Variants in ZMPSTE24 observed in about 807,000 individuals in gnomAD.
ZMPSTE24 encodes CAAX prenyl protease 1 homolog.
Under a neutral mutation model 56.7 loss-of-function variants are expected in ZMPSTE24, and 48 were observed. The ratio of observed to expected loss-of-function variants is 0.85; its 90% confidence interval spans 0.67 to 1.08. ZMPSTE24 has a LOEUF of 1.08. Among genes scored for constraint, ZMPSTE24 ranks in the 50% least tolerant of loss-of-function variants. The probability of loss-of-function intolerance (pLI) is 0.00; values close to 1 mark genes in which losing one functional copy is unlikely to be tolerated. For synonymous variants in ZMPSTE24, 172 were observed against 195.2 expected (o/e 0.88, Z 0.99); for missense variants, 503 against 548.7 (o/e 0.92, Z 0.83).
intron 8 of ZMPSTE24, among the ~76,000 whole-genome samples, chr1:40,287,800 G>A (rs1052152434): frequency 6.6e-6 from 1 of 152,080 alleles, no homozygotes; most frequent in Admixed American, 6.6e-5. Context: ...TTAGGCTTTG[G>A]GTGAAAAAGC....
At chr1:40,273,516 TAAAAAA>T (rs1205861105) in intron 6 of ZMPSTE24, among the ~76,000 whole-genome samples, 7 of 10,582 alleles carry the variant, frequency 6.6e-4, no homozygotes, top group South Asian at 9.7e-3. Flanking sequence ...AAATTCTGTC[TAAAAAA>T]AAAAAAAAAA....
rs996301433 is a variant in ZMPSTE24 at position 40,290,450 on chromosome 1, A to ATTTTT, written c.1060-380_1060-376dup. 1.1e-4 allele frequency among the ~76,000 whole-genome samples: 9 copies of ATTTTT among 82,590 alleles called. 2 individuals are homozygous for ATTTTT. The highest frequency in any genetic ancestry group is 4.1e-4 in the African/African-American group (7 of 17,216). The allele number at this position is 82,590 out of a possible 152,430, so 54.2% of individuals were successfully genotyped here. The stretch of plus-strand genomic sequence containing the variant: ...TACCTTTCTTAAAATCACACTATGA[A>ATTTTT]TTTTTTTTTTTTTTTTTTTTTTTTT... On this transcript the variant is annotated intron_variant, in intron 8 of 9. Transcript: ENST00000372759.
At chr1:40,281,268 C>G in intron 6 of ZMPSTE24, 75 bp from the exon 7 acceptor site, 1 of 1,376,818 alleles carries the variant, frequency 7.3e-7, no homozygotes, top group Non-Finnish European at 1.0e-6. Context: ...TCCAGTAATT[C>G]AATTTCTAGG....
intron 7 of ZMPSTE24, among the ~76,000 whole-genome samples, chr1:40,284,212 A>G (rs1643760324): frequency 6.8e-6 from 1 of 147,890 alleles, no homozygotes; most frequent in Admixed American, 7.0e-5. Flanking sequence ...TCAGCCTCCC[A>G]GAGTGCTGGC....
chr1:40,277,051 C>T (rs532520632), intron 6 of ZMPSTE24, among the ~76,000 whole-genome samples: 2 of 150,498 alleles, frequency 1.3e-5, no homozygotes, highest in South Asian at 4.2e-4. Flanking sequence ...CCAGGCACAG[C>T]GATATAAAAA....
chr1:40,264,217 G>A (rs1490667606), intron 2 of ZMPSTE24, among the ~76,000 whole-genome samples: 2 of 152,058 alleles, frequency 1.3e-5, no homozygotes, highest in Non-Finnish European at 2.9e-5. Flanking sequence ...GCCTGTAGTC[G>A]CAGCTACTCA....
At chr1:40,287,858 C>T (rs1190911309) in intron 8 of ZMPSTE24, among the ~76,000 whole-genome samples, 1 of 151,948 alleles carries the variant, frequency 6.6e-6, no homozygotes, top group Non-Finnish European at 1.5e-5. Flanking sequence ...TTAACTGAAT[C>T]TTCAGTGGAT....
At chr1:40,289,962 T>C (rs1643823964) in intron 8 of ZMPSTE24, among the ~76,000 whole-genome samples, 1 of 152,128 alleles carries the variant, frequency 6.6e-6, no homozygotes, top group Admixed American at 6.6e-5. Context: ...AGAGAGAAAA[T>C]ATCCCATTGC....
At chr1:40,267,517 A>G (rs892984220) in intron 2 of ZMPSTE24, among the ~76,000 whole-genome samples, 10 of 151,452 alleles carry the variant, frequency 6.6e-5, no homozygotes, top group African/African-American at 2.4e-4. Context: ...GGTACGCACT[A>G]TCAGGCCCAG....
intron 2 of ZMPSTE24, among the ~76,000 whole-genome samples, chr1:40,261,708 T>TTTTG (rs1377292106): frequency 6.6e-6 from 1 of 152,032 alleles, no homozygotes; most frequent in Non-Finnish European, 1.5e-5. Context: ...GCTTTTTTTG[T>TTTTG]TTTGTTTTGT....
In ZMPSTE24 at chr1:40,280,934, C is replaced by A. The variant is rs190982948; in HGVS notation, c.770-409C>A. ...CAATTACTTTTGCACCAACCTAATA[C>A]ATGCACATTTTTTCTTGACGATAAT... On this transcript the variant is annotated intron_variant, in intron 6 of 9. Transcript: ENST00000372759. 1.4e-4 allele frequency among the ~76,000 whole-genome samples: 22 copies of A among 152,308 alleles called. No individual in the cohort carries two copies. The East Asian group carries it at 4.2e-3, about 29-fold the overall frequency.
intron 3 of ZMPSTE24, 44 bp from the exon 4 acceptor site, chr1:40,268,375 C>T (rs1557774902): frequency 7.8e-7 from 1 of 1,278,736 alleles, no homozygotes; most frequent in Non-Finnish European, 1.1e-6. Context: ...ATTTGTTTGC[C>T]AGTAGTTCAT....
intron 2 of ZMPSTE24, among the ~76,000 whole-genome samples, chr1:40,264,877 CAAAAAAAAAAA>C (rs35889679): frequency 9.4e-5 from 5 of 53,266 alleles, no homozygotes; most frequent in East Asian, 4.5e-4. Context: ...GATCCTGTCT[CAAAAAAAAAAA>C]AAAAAAAAAA....
intron 1 of ZMPSTE24, among the ~76,000 whole-genome samples, chr1:40,260,553 G>A (rs1344786022): frequency 6.6e-6 from 1 of 151,478 alleles, no homozygotes; most frequent in East Asian, 1.9e-4. Context: ...AGTAGTACAT[G>A]TAACAAAGTT....
chr1:40,261,474 C>G (rs1457359484), intron 2 of ZMPSTE24, among the ~76,000 whole-genome samples: 1 of 151,822 alleles, frequency 6.6e-6, no homozygotes, highest in South Asian at 2.1e-4. Flanking sequence ...CTCAGCCTCC[C>G]GAGTAGTTGG....
At chr1:40,290,293 G>A (rs952891823) in intron 8 of ZMPSTE24, among the ~76,000 whole-genome samples, 1 of 150,974 alleles carries the variant, frequency 6.6e-6, no homozygotes, top group African/African-American at 2.4e-5. Flanking sequence ...GCTGAGGCAG[G>A]GGAATGGCGT....
rs763223952 is a variant in ZMPSTE24 at position 40,287,027 on chromosome 1, C to T, written c.1059+998C>T. 4.6e-5 allele frequency among the ~76,000 whole-genome samples: 7 copies of T among 151,820 alleles called. No individual in the cohort carries two copies. In the East Asian group the frequency reaches 1.2e-3, roughly 25 times the overall value. The stretch of plus-strand genomic sequence containing the variant: ...GATTACAGGCATGAGCCACCACTCC[C>T]GGCCTCTAGAATGCTTTTTAAAAAA... On this transcript the variant is annotated intron_variant, in intron 8 of 9. Transcript: ENST00000372759.
At chr1:40,262,973 A>G (rs1643513908) in intron 2 of ZMPSTE24, 3 of 1,009,038 alleles carry the variant, frequency 3.0e-6, no homozygotes, top group Non-Finnish European at 2.4e-6. Context: ...ATGACAAGGC[A>G]ATTAGATGAG....
chr1:40,292,663 A>T lies in ZMPSTE24; in HGVS notation c.1422A>T (p.Gln474His). 6.2e-7 allele frequency: 1 copy of T among 1,613,108 alleles called. No homozygotes were observed. The highest frequency in any genetic ancestry group is 8.5e-7 in the Non-Finnish European group (1 of 1,179,148). ...TTCAAGCTTTGAAAACTATGAAGCA[A>T]CACTGAGATGTCCAGGATCTGTGAC... ...ERLQALKTMK[Q>H]H The change falls in exon 10 of 10, where the codon CAA becomes CAT. Residue 474 changes from glutamine to histidine, a missense_variant. Gln to His is a conservative substitution (Grantham distance 24). Transcript: ENST00000372759.
Sources: gnomAD v4.1 joint callset for allele counts (sites outside exome capture counted in the v4.1 genomes callset) on GRCh38, gnomAD v4.1.1 for gene constraint, MANE v1.5 for transcripts, NCBI Gene and HGNC (gene_info 2026-07-23, HGNC 2026-07-21) for gene names.